The following COL9A1 variants were observed in gnomAD, a reference collection of about 807,000 sequenced individuals.
The protein encoded by COL9A1 is collagen alpha-1(IX) chain.
In COL9A1, 104 loss-of-function variants were observed where a neutral mutation model predicts 142.6. That is an observed-to-expected ratio of 0.73 (90% CI 0.62 to 0.86). The LOEUF (loss-of-function observed/expected upper bound fraction) is 0.86, where lower values mean the gene tolerates loss of function less well. Among genes scored for constraint, COL9A1 ranks in the 40% least tolerant of loss-of-function variants. The pLI, the probability that COL9A1 is intolerant of heterozygous loss-of-function variation, is 0.00. For missense variants in COL9A1, 1,210 were observed against 1,176.6 expected (o/e 1.03, Z -0.42); for synonymous variants, 466 against 396.0 (o/e 1.18, Z -2.10).
rs1440425833 is a variant in COL9A1, at chr6:70,253,396, C to A, written c.1753G>T (p.Ala585Ser). ...TTAAAATATTTTACCTTTTCACCAG[C>A]AACACCCTTTGCACCAGGAATTCCA... ...VPGIPGAKGVAGEKGSTGAPG... is the reference protein window; with the variant it reads ...VPGIPGAKGVSGEKGSTGAPG... Residue 585 changes from alanine to serine, a missense_variant, in exon 26 of 38, where the codon GCT (alanine) becomes TCT (serine). Coordinates refer to ENST00000357250, the MANE Select transcript of COL9A1 (RefSeq NM_001851.6). 1 of 1,602,750 alleles carries A rather than the reference C, an allele frequency of 6.2e-7. No homozygotes were observed. Among genetic ancestry groups the A allele is most frequent in the Non-Finnish European group, 8.5e-7 (1 of 1,171,002 alleles).
chr6:70,280,068 G>T, intron 10 of COL9A1: 1 of 680,764 alleles, frequency 1.5e-6, no homozygotes, highest in Non-Finnish European at 2.7e-6. Flanking sequence ...GAGAAGCTGA[G>T]AATCCTGAAG....
intron 35 of COL9A1, 28 bp from the exon 36 acceptor site, chr6:70,232,799 G>C (rs1223915215): frequency 6.3e-7 from 1 of 1,584,356 alleles, no homozygotes; most frequent in African/African-American, 1.3e-5. Flanking sequence ...AAACAACCCA[G>C]AAGTGTCAGA....
chr6:70,272,155 A>G (rs1305373565), intron 12 of COL9A1, 67 bp from the exon 13 acceptor site: 7 of 1,299,358 alleles, frequency 5.4e-6, no homozygotes, highest in African/African-American at 1.5e-5. Flanking sequence ...GAATGTAGAC[A>G]TAACTCAGCT....
chr6:70,282,385 C>A (rs1012051937), intron 7 of COL9A1, among the ~76,000 whole-genome samples: 3 of 152,344 alleles, frequency 2.0e-5, no homozygotes, highest in African/African-American at 7.2e-5. Flanking sequence ...GGCGCTGGAG[C>A]CTTTGGGAAA....
At position 70,302,018 on chromosome 6, in the gene COL9A1, G is replaced by A. The variant is rs776655718; in HGVS notation, c.71C>T (p.Ala24Val). 88 of 1,611,268 alleles carry A rather than the reference G, an allele frequency of 5.5e-5. 1 individual carries two copies. The South Asian group carries it at 9.2e-4, about 17-fold the overall frequency. The change falls in exon 2 of 38, where the codon GCT (alanine) becomes GTT (valine). Residue 24 changes from alanine (A) to valine (V), a missense_variant. Physicochemically the swap from Ala to Val is moderately conservative, Grantham distance 64. Coordinates refer to ENST00000357250, the MANE Select transcript of COL9A1 (RefSeq NM_001851.6). ...GCCCTTACTGGGGCGACGCTTGACAGCTGCAGATGCCCAGGGTTCCAGGAA... is the reference window on the plus strand; with the variant it reads ...GCCCTTACTGGGGCGACGCTTGACAACTGCAGATGCCCAGGGTTCCAGGAA... ...CSFLEPWASA[A>V]VKRRPRFPVN...
At chr6:70,279,670 A>AAAAAAAAAAAAAAAAC (rs1554245283) in intron 10 of COL9A1, 2 of 172,206 alleles carry the variant, frequency 1.2e-5, no homozygotes, top group African/African-American at 5.2e-5. Context: ...AAAAAAAAAA[A>AAAAAAAAAAAAAAAAC]CACATACACA....
chr6:70,221,303 A>G (rs1768869310), intron 37 of COL9A1, among the ~76,000 whole-genome samples: 1 of 152,218 alleles, frequency 6.6e-6, no homozygotes, highest in African/African-American at 2.4e-5. Context: ...GTATTTCATA[A>G]TTAATCCACT....
At chr6:70,234,986 A>G in intron 33 of COL9A1, 46 bp from the exon 34 acceptor site, 2 of 1,613,080 alleles carry the variant, frequency 1.2e-6, no homozygotes, top group Admixed American at 3.3e-5. Flanking sequence ...AGCATAAAGA[A>G]TGTGCCTGCT....
intron 14 of COL9A1, among the ~76,000 whole-genome samples, chr6:70,271,454 G>C (rs562751356): frequency 3.8e-4 from 58 of 152,208 alleles, no homozygotes; most frequent in African/African-American, 1.3e-3. Flanking sequence ...AAGTTTAGCT[G>C]AAAAATTTAG....
intron 34 of COL9A1, 29 bp downstream of exon 34, chr6:70,234,765 G>C: frequency 6.2e-7 from 1 of 1,613,972 alleles, no homozygotes; most frequent in South Asian, 1.1e-5. Flanking sequence ...GTCTCCAAAG[G>C]GAAACCACAG....
At chr6:70,257,048 A>ATTTTTTTT (rs542296705) in intron 20 of COL9A1, among the ~76,000 whole-genome samples, 1 of 105,018 alleles carries the variant, frequency 9.5e-6, no homozygotes, top group Non-Finnish European at 1.9e-5. Context: ...CCACTCTGTA[A>ATTTTTTTT]TTTTTTTTTT....
At chr6:70,243,544 T>C (rs1770403639) in intron 28 of COL9A1, among the ~76,000 whole-genome samples, 1 of 152,202 alleles carries the variant, frequency 6.6e-6, no homozygotes, top group East Asian at 1.9e-4. Flanking sequence ...ATTTTTTTTT[T>C]TGAGACGGAG....
intron 17 of COL9A1, 32 bp from the exon 18 acceptor site, chr6:70,266,802 G>A (rs775776938): frequency 1.3e-5 from 20 of 1,576,048 alleles, no homozygotes; most frequent in Admixed American, 8.3e-5. Flanking sequence ...ATTGTCTTGA[G>A]TTTGGTACAG....
chr6:70,242,566 C>G, intron 29 of COL9A1, 96 bp downstream of exon 29: 2 of 1,039,712 alleles, frequency 1.9e-6, no homozygotes, highest in Non-Finnish European at 3.0e-6. Flanking sequence ...AAATCAAGTA[C>G]AGGTAATTCA....
At chr6:70,232,921 C>A (rs775826648) in intron 35 of COL9A1, 150 bp from the exon 36 acceptor site, 6 of 840,478 alleles carry the variant, frequency 7.1e-6, no homozygotes, top group East Asian at 2.7e-5. Flanking sequence ...TGGATAATTT[C>A]TCTGTGGGCT....
intron 25 of COL9A1, among the ~76,000 whole-genome samples, chr6:70,253,873 C>G (rs1292860716): frequency 6.6e-6 from 1 of 152,160 alleles, no homozygotes; most frequent in Non-Finnish European, 1.5e-5. Context: ...GATGCTGGAT[C>G]TGACTCAGGT....
At chr6:70,278,540 T>C (rs1240158548) in intron 10 of COL9A1, among the ~76,000 whole-genome samples, 2 of 152,172 alleles carry the variant, frequency 1.3e-5, no homozygotes, top group Non-Finnish European at 2.9e-5. Flanking sequence ...ATCTAGAAAA[T>C]GCCTAAAATA....
chr6:70,272,298 G>A (rs1411050826), intron 12 of COL9A1, among the ~76,000 whole-genome samples: 1 of 151,132 alleles, frequency 6.6e-6, no homozygotes, highest in African/African-American at 2.4e-5. Context: ...TTCCTTTGCT[G>A]TCTATGCTAA....
At chr6:70,255,307 G>A in intron 22 of COL9A1, 30 bp downstream of exon 22, 2 of 1,613,320 alleles carry the variant, frequency 1.2e-6, no homozygotes, top group Non-Finnish European at 1.7e-6. Context: ...TGAAAAGCAG[G>A]AGGCTTGGAG....
Sources: allele counts gnomAD v4.1 joint callset (sites outside exome capture counted in the v4.1 genomes callset), GRCh38; gene constraint gnomAD v4.1.1; transcripts MANE v1.5; gene names NCBI Gene and HGNC (gene_info 2026-07-23, HGNC 2026-07-21).